Variants in MYO15A observed in about 807,000 individuals in gnomAD.
MYO15A encodes the protein unconventional myosin-XV.
A neutral mutation model predicts 394.6 loss-of-function variants in MYO15A; 308 were observed. That is an observed-to-expected ratio of 0.78 (90% CI 0.71 to 0.86). MYO15A has a LOEUF of 0.86. Ranked by LOEUF, MYO15A falls within the 40% of genes least tolerant of loss-of-function variation. MYO15A has a pLI of 0.00. For missense variants in MYO15A, 4,606 were observed against 4,799.1 expected, an observed-to-expected ratio of 0.96 and a Z score of 1.19; for synonymous variants, 1,957 against 2,003.8, an observed-to-expected ratio of 0.98 and a Z score of 0.62.
intron 5 of MYO15A, 119 bp downstream of exon 5, chr17:18,126,575 A>G: frequency 3.6e-6 from 4 of 1,108,112 alleles, no homozygotes; most frequent in Non-Finnish European, 5.3e-6. Context: ...AAGGCAGCCC[A>G]CCTACTCAAT....
Position 18,118,644 on chromosome 17 carries a change from C to A in MYO15A, c.-157C>A. 1.8e-6 allele frequency: 2 copies of A among 1,099,908 alleles called. No homozygotes were observed. The highest frequency in any genetic ancestry group is 2.6e-5 in the East Asian group (1 of 38,852). The allele number at this position is 1,099,908 out of a possible 1,614,324, so 68.1% of individuals were successfully genotyped here. ...GATCCGCCCTCCCGGAATCCTGGCT[C>A]GGCCCTCCCCACGCCACCCAGGGCC... On this transcript the variant is annotated 5_prime_UTR_variant, in exon 2 of 66. The change creates a premature stop within an existing upstream ORF in the 5' untranslated region. Coordinates refer to ENST00000647165, the MANE Select transcript of MYO15A (RefSeq NM_016239.4).
Position 18,156,944 on chromosome 17 carries a change from GCTGA to G in MYO15A, c.8602-8_8602-5del, listed in dbSNP as rs876657907. ...GGCTGTTGCCCTCACCCTGCCTCTGGCTGACCCAGGACTCTGACTACGTGGTCGC... is the reference window on the plus strand; with the variant it reads ...GGCTGTTGCCCTCACCCTGCCTCTGGCCCAGGACTCTGACTACGTGGTCGC... On this transcript the variant is annotated splice_region_variant and splice_polypyrimidine_tract_variant and intron_variant, in intron 48 of 65. Transcript: ENST00000647165. 8.1e-5 allele frequency: 130 copies of G among 1,613,524 alleles called. No individual in the cohort carries two copies. The highest frequency in any genetic ancestry group is 9.3e-6 in the Non-Finnish European group (11 of 1,179,568).
chr17:18,126,923 A>G, intron 6 of MYO15A, 58 bp downstream of exon 6: 1 of 1,605,392 alleles, frequency 6.2e-7, no homozygotes, highest in East Asian at 2.2e-5. Context: ...GCAGGCCTGC[A>G]TCTGGCCAGA....
rs558302829 is a variant in MYO15A at position 18,173,693 on chromosome 17, T to C, written c.10351-88T>C. The C allele has an allele frequency of 3.0e-5, 47 of 1,577,832 alleles. No individual in the cohort carries two copies. In the Middle Eastern group the frequency reaches 5.0e-4, roughly 17 times the overall value. On this transcript the variant is annotated intron_variant, in intron 64 of 65. Coordinates refer to ENST00000647165, the MANE Select transcript of MYO15A (RefSeq NM_016239.4). ...GAACTGGAGTGAGTCTCCTGCCTCC[T>C]ACAGATCTGATTTGCAGGGCAGGGG...
rs1165816662 is a variant in MYO15A at position 18,159,951 on chromosome 17, A to C, written c.9320A>C (p.Glu3107Ala). ...CNLLKLCGDH[E>A]VMRDECYCQV... The stretch of plus-strand genomic sequence containing the variant: ...CCCCTTCAGCTGTGCGGGGACCATG[A>C]GGTCATGCGGGATGAATGTTACTGC... The change falls in exon 56 of 66, where the codon GAG becomes GCG. Residue 3107 changes from glutamate to alanine, a missense_variant. By Grantham distance (107) the Glu-to-Ala change is moderately radical. This residue lies in a region of MYO15A where 2,776 missense variants were observed against 3,109.3 expected (regional missense o/e 0.89). Transcript: ENST00000647165. 2 of 1,613,976 alleles carry C rather than the reference A, an allele frequency of 1.2e-6. No homozygotes were observed. The highest frequency in any genetic ancestry group is 1.3e-5 in the African/African-American group (1 of 74,898).
At chr17:18,143,848 G>A (rs753660299) in intron 27 of MYO15A, 22 bp from the exon 28 acceptor site, 27 of 1,571,678 alleles carry the variant, frequency 1.7e-5, no homozygotes, top group African/African-American at 2.7e-5. Context: ...AGCAGGCACC[G>A]CATTCCCTCC....
In MYO15A at chr17:18,155,178, G is replaced by A; in HGVS notation, c.8293G>A (p.Ala2765Thr). 1.2e-6 allele frequency: 2 copies of A among 1,614,010 alleles called. No individual in the cohort carries two copies. Among genetic ancestry groups the A allele is most frequent in the Non-Finnish European group, 1.7e-6 (2 of 1,180,032 alleles). Residue 2765 changes from alanine (A) to threonine (T), a missense_variant, in exon 46 of 66, where the codon GCA becomes ACA. Physicochemically the swap from Ala to Thr is moderately conservative, Grantham distance 58. Around this residue, in one of 2 missense-constraint regions of MYO15A, gnomAD observed 2,776 missense variants for 3,109.3 expected, o/e 0.89. Transcript: ENST00000647165. ...CGTGAAGCGGGCCGTGGTCAGCACT[G>A]CACGAGACACCTGGGAGGTCTACTT... ...ESVKRAVVSTARDTWEVYFSR... is the reference protein window; with the variant it reads ...ESVKRAVVSTTRDTWEVYFSR...
rs2046574089 is a variant in MYO15A at position 18,151,153 on chromosome 17, G to A, written c.7517G>A (p.Gly2506Asp). 9 of 1,613,940 alleles carry A rather than the reference G, an allele frequency of 5.6e-6. No homozygotes were observed. The highest frequency in any genetic ancestry group is 7.6e-6 in the Non-Finnish European group (9 of 1,179,992). ...PEAQPTSVGTGPPAKPVLLRA... is the reference protein window; with the variant it reads ...PEAQPTSVGTDPPAKPVLLRA... ...GCACAGCCGACGTCTGTAGGCACCG[G>A]TCCCCCTGCCAAACCCGTGCTCCTG... The change falls in exon 39 of 66, where the codon GGT becomes GAT. Residue 2506 changes from glycine (G) to aspartate (D), a missense_variant. Coordinates refer to ENST00000647165, the MANE Select transcript of MYO15A (RefSeq NM_016239.4).
At chr17:18,125,514 G>A in intron 4 of MYO15A, 3 of 404,062 alleles carry the variant, frequency 7.4e-6, no homozygotes, top group South Asian at 2.6e-5. Flanking sequence ...TTAACACGGT[G>A]AAACCCCCTC....
intron 3 of MYO15A, 141 bp downstream of exon 3, chr17:18,124,706 A>C: frequency 1.3e-6 from 1 of 797,564 alleles, no homozygotes; most frequent in Non-Finnish European, 2.0e-6. Flanking sequence ...ACAAAGACTA[A>C]ATGTGGTGTG....
chr17:18,156,980 G>T lies in MYO15A; in HGVS notation c.8628G>T (p.Arg2876Ser). The change falls in exon 49 of 66, where the codon AGG becomes AGT. Residue 2876 changes from arginine (R) to serine (S), a missense_variant. This residue lies in a region of MYO15A where 2,776 missense variants were observed against 3,109.3 expected (regional missense o/e 0.89). Coordinates refer to ENST00000647165, the MANE Select transcript of MYO15A (RefSeq NM_016239.4). ...ACTCTGACTACGTGGTCGCTGTGAG[G>T]AACTTCCTGCCTGAGGACCCTGCGC... ...KKDSDYVVAV[R>S]NFLPEDPALL... 1.2e-6 allele frequency: 2 copies of T among 1,614,192 alleles called. No homozygotes were observed. Among genetic ancestry groups the T allele is most frequent in the Non-Finnish European group, 1.7e-6 (2 of 1,180,038 alleles).
rs1309291663 is a variant in MYO15A at position 18,148,755 on chromosome 17, C to T, written c.6765-6C>T. 1.9e-6 allele frequency: 3 copies of T among 1,592,538 alleles called. No homozygotes were observed. In the East Asian group the frequency reaches 6.9e-5, roughly 36 times the overall value. ...TCATTTCCATTCCTGTGCATGCCAT[C>T]ACCAGGGGGCTGGCAGATGGCTGGC... On this transcript the variant is annotated splice_polypyrimidine_tract_variant and splice_region_variant and intron_variant, in intron 32 of 65. Transcript: ENST00000647165. The surrounding 1 kb of genome is among the most constrained non-coding windows in gnomAD (Gnocchi z 4.8).
At chr17:18,116,103 A>G (rs1167032715) in intron 1 of MYO15A, among the ~76,000 whole-genome samples, 8 of 152,196 alleles carry the variant, frequency 5.3e-5, no homozygotes, top group Admixed American at 1.3e-4. Flanking sequence ...TGAATGGGTG[A>G]GTGAGTAAAT....
At position 18,130,868 on chromosome 17, in the gene MYO15A, G is replaced by C. The variant is rs192930529; in HGVS notation, c.4038+58G>C. 2.9e-4 allele frequency: 416 copies of C among 1,446,186 alleles called. No individual in the cohort carries two copies. The African/African-American group carries it at 3.7e-3, about 13-fold the overall frequency. 89.6% of individuals were successfully genotyped at this position (1,446,186 alleles called of 1,614,324 possible). A position where few individuals can be genotyped will look rare whatever the true frequency, so the allele number is the denominator to read the frequency against. On this transcript the variant is annotated intron_variant, in intron 8 of 65. Transcript: ENST00000647165. ...TGTGTGTGTGTGTGTGTGTGTGTGT[G>C]TGTCTGTCCAGGAAAATGCGTGTGG... is the stretch of plus-strand genomic sequence containing the variant.
chr17:18,144,039 G>A, intron 28 of MYO15A, 39 bp downstream of exon 28: 2 of 1,612,408 alleles, frequency 1.2e-6, no homozygotes, highest in Non-Finnish European at 1.7e-6. Context: ...CTGGCTGATA[G>A]GCGCTGACCA....
chr17:18,111,586 C>CAGG (rs1053605408), intron 1 of MYO15A, among the ~76,000 whole-genome samples: 1 of 152,208 alleles, frequency 6.6e-6, no homozygotes, highest in Non-Finnish European at 1.5e-5. Context: ...GAGAGGAAGG[C>CAGG]AGGACCTGGA....
chr17:18,146,390 C>T (rs2046481410), intron 30 of MYO15A, among the ~76,000 whole-genome samples: 1 of 152,162 alleles, frequency 6.6e-6, no homozygotes, highest in Admixed American at 6.5e-5. Flanking sequence ...AGAGCATTGA[C>T]CTCTCACAGC....
chr17:18,150,323 C>G lies in MYO15A; in HGVS notation c.7213-106C>G, dbSNP rs1173137905. The G allele has an allele frequency of 1.0e-6, 1 of 999,588 alleles. No homozygotes were observed. Among genetic ancestry groups the G allele is most frequent in the African/African-American group, 1.6e-5 (1 of 62,794 alleles). The allele number at this position is 999,588 out of a possible 1,614,324, so 61.9% of individuals were successfully genotyped here. A position where few individuals can be genotyped will look rare whatever the true frequency, so the allele number is the denominator to read the frequency against. On this transcript the variant is annotated intron_variant, in intron 35 of 65. Coordinates refer to ENST00000647165, the MANE Select transcript of MYO15A (RefSeq NM_016239.4). The surrounding 1 kb of genome is among the most constrained non-coding windows in gnomAD (Gnocchi z 4.4). ...GACACTGAGCCAGTGGGAGGCTGCC[C>G]CCTCCCACGAGAGGGTGGGGAAGAG...
intron 61 of MYO15A, 35 bp downstream of exon 61, chr17:18,166,556 C>T (rs953744949): frequency 2.5e-6 from 4 of 1,607,348 alleles, no homozygotes; most frequent in Non-Finnish European, 3.4e-6. Flanking sequence ...ACTCTGGGAC[C>T]TTCTAGGCTC....
Sources: gnomAD v4.1 joint callset for allele counts (sites outside exome capture counted in the v4.1 genomes callset) on GRCh38, gnomAD v4.1.1 for gene constraint, gnomAD v4.1.1 regional missense constraint, Gnocchi (gnomAD v3.1) non-coding constraint, MANE v1.5 for transcripts, NCBI Gene and HGNC (gene_info 2026-07-23, HGNC 2026-07-21) for gene names.